The following PPP2R2C variants were observed in gnomAD, a reference collection of about 807,000 sequenced individuals.
The protein encoded by PPP2R2C is protein phosphatase 2, regulatory subunit B, gamma.
PPP2R2C carries 10 observed loss-of-function variants against 45.3 expected under a neutral mutation model. That is an observed-to-expected ratio of 0.22 (90% CI 0.14 to 0.37). The LOEUF (loss-of-function observed/expected upper bound fraction) is 0.37. Among genes scored for constraint, PPP2R2C ranks in the 10% least tolerant of loss-of-function variants. PPP2R2C has a pLI of 1.00. For missense variants in PPP2R2C, 308 were observed against 619.7 expected (o/e 0.50, Z 5.34); for synonymous variants, 257 against 245.4 (o/e 1.05, Z -0.44).
At chr4:6,421,968 C>T (rs973488429) in intron 1 of PPP2R2C, among the ~76,000 whole-genome samples, 1 of 152,134 alleles carries the variant, frequency 6.6e-6, no homozygotes, top group Admixed American at 6.5e-5. Flanking sequence ...AAAGAAATCC[C>T]ATAATGTTTC....
intron 1 of PPP2R2C, among the ~76,000 whole-genome samples, chr4:6,540,612 T>A (rs1724777091): frequency 6.6e-6 from 1 of 152,228 alleles, no homozygotes; most frequent in African/African-American, 2.4e-5. Flanking sequence ...TGCTGGGTCA[T>A]GAGATAAATC....
chr4:6,448,835 G>A (rs1260464012), intron 1 of PPP2R2C, among the ~76,000 whole-genome samples: 1 of 152,220 alleles, frequency 6.6e-6, no homozygotes, highest in Non-Finnish European at 1.5e-5. Flanking sequence ...GTGCTGCAAT[G>A]AGCCACCTGC....
intron 1 of PPP2R2C, among the ~76,000 whole-genome samples, chr4:6,406,201 T>G (rs945832538): frequency 6.6e-6 from 1 of 152,240 alleles, no homozygotes; most frequent in Non-Finnish European, 1.5e-5. Flanking sequence ...CTGATGTGCT[T>G]CTTCTTCAAA....
chr4:6,528,049 G>A (rs1032235845), intron 2 of PPP2R2C, among the ~76,000 whole-genome samples: 11 of 152,246 alleles, frequency 7.2e-5, no homozygotes, highest in African/African-American at 2.4e-4. Flanking sequence ...GACGGTGAGC[G>A]CAGAGCATCC....
At chr4:6,440,243 C>T (rs1052131185) in intron 1 of PPP2R2C, among the ~76,000 whole-genome samples, 37 of 152,324 alleles carry the variant, frequency 2.4e-4, no homozygotes, top group African/African-American at 6.0e-4. Flanking sequence ...TGGATGCGTG[C>T]GCAGATGGAC....
intron 1 of PPP2R2C, among the ~76,000 whole-genome samples, chr4:6,426,128 C>T (rs891373215): frequency 5.9e-5 from 9 of 152,192 alleles, no homozygotes; most frequent in Non-Finnish European, 1.0e-4. Flanking sequence ...TCCCAGCAGG[C>T]TCCGCCCTGG....
Position 6,368,655 on chromosome 4 carries a change from A to G in PPP2R2C, c.625+3868T>C, listed in dbSNP as rs1714538838. ...GAATGTCTTGTGGCCACCCCGATCC[A>G]AAACTGGTTATGATACAATCCAAAT... On this transcript the variant is annotated intron_variant, in intron 5 of 8. Coordinates refer to ENST00000382599, the MANE Select transcript of PPP2R2C (RefSeq NM_020416.4). This position sits in a 1 kb window ranked among gnomAD's most constrained non-coding sequence, Gnocchi z 4.2. Among the ~76,000 whole-genome samples, 1 of 152,092 alleles carries G rather than the reference A, an allele frequency of 6.6e-6. No individual in the cohort carries two copies. The highest frequency in any genetic ancestry group is 6.6e-5 in the Admixed American group (1 of 15,266).
intron 2 of PPP2R2C, among the ~76,000 whole-genome samples, chr4:6,510,721 T>G (rs561306656): frequency 2.6e-4 from 40 of 152,264 alleles, no homozygotes; most frequent in African/African-American, 8.2e-4. Flanking sequence ...CTCACGCCTG[T>G]AATCCCAGCA....
chr4:6,466,711 C>T (rs550664127), intron 1 of PPP2R2C, among the ~76,000 whole-genome samples: 1 of 152,124 alleles, frequency 6.6e-6, no homozygotes, highest in Non-Finnish European at 1.5e-5. Context: ...ACCAAACATC[C>T]CTTAGCTCTG....
chr4:6,448,334 T>C lies in PPP2R2C; in HGVS notation c.70+23826A>G, dbSNP rs116530841. On this transcript the variant is annotated intron_variant, in intron 1 of 8. Coordinates refer to ENST00000382599, the MANE Select transcript of PPP2R2C (RefSeq NM_020416.4). ...CAGCACTTTGAGAGGCCAAGGCAGG[T>C]GGATCCCTTGGAGGTCACACGGAGA... Among the ~76,000 whole-genome samples, 291 of 152,168 alleles carry C rather than the reference T, an allele frequency of 1.9e-3. 2 individuals carry two copies. Among genetic ancestry groups the C allele is most frequent in the African/African-American group, 6.7e-3 (280 of 41,510 alleles).
intron 2 of PPP2R2C, among the ~76,000 whole-genome samples, chr4:6,533,051 C>A (rs185975160): frequency 6.6e-6 from 1 of 152,156 alleles, no homozygotes; most frequent in African/African-American, 2.4e-5. Context: ...GGATGAGAGA[C>A]GGCTCTGGTC....
At chr4:6,405,359 G>A (rs563909028) in intron 1 of PPP2R2C, among the ~76,000 whole-genome samples, 2 of 152,292 alleles carry the variant, frequency 1.3e-5, no homozygotes, top group African/African-American at 2.4e-5. Context: ...GCCCTAAACC[G>A]GCTCTCAGCA....
rs1444984786 is a variant in PPP2R2C, at chr4:6,323,496, G to A, written c.1150C>T (p.Pro384Ser). Residue 384 changes from proline to serine, a missense_variant, in exon 9 of 9, where the codon CCC (proline) becomes TCC (serine). Coordinates refer to ENST00000382599, the MANE Select transcript of PPP2R2C (RefSeq NM_020416.4). The part of the protein sequence containing the change: ...TLEASRESSK[P>S]RAVLKPRRVC... ...CGCCGTGGCTTGAGCACAGCCCGGG[G>A]CTTGCTGCTTTCCCTCGAGGCCTCC... 2 of 1,608,650 alleles carry A rather than the reference G, an allele frequency of 1.2e-6. No individual in the cohort carries two copies. The highest frequency in any genetic ancestry group is 1.7e-6 in the Non-Finnish European group (2 of 1,175,484).
intron 1 of PPP2R2C, among the ~76,000 whole-genome samples, chr4:6,410,938 T>A (rs1718149171): frequency 6.6e-6 from 1 of 152,082 alleles, no homozygotes; most frequent in South Asian, 2.1e-4. Context: ...GTGCGATCTC[T>A]GCTCACTGCA....
chr4:6,427,971 T>C (rs577128128), intron 1 of PPP2R2C, among the ~76,000 whole-genome samples: 10 of 152,258 alleles, frequency 6.6e-5, no homozygotes, highest in African/African-American at 2.2e-4. Flanking sequence ...TATTCCTGTT[T>C]TGTCAATGAG....
chr4:6,409,272 A>G (rs980656886), intron 1 of PPP2R2C, among the ~76,000 whole-genome samples: 2 of 152,318 alleles, frequency 1.3e-5, no homozygotes, highest in Admixed American at 6.5e-5. Context: ...TTAAAAATAT[A>G]CCATAAAGCA....
intron 5 of PPP2R2C, among the ~76,000 whole-genome samples, chr4:6,362,956 G>A (rs1486156931): frequency 6.6e-6 from 1 of 152,194 alleles, no homozygotes; most frequent in Non-Finnish European, 1.5e-5. Flanking sequence ...GTAAAAGGGG[G>A]ATATTAATAA....
chr4:6,434,360 T>TTTTC (rs1553898702), intron 1 of PPP2R2C, among the ~76,000 whole-genome samples: 5 of 838 alleles, frequency 6.0e-3, no homozygotes, highest in African/African-American at 8.0e-3. Context: ...TTTTCTTTTC[T>TTTTC]TTTTTTTTTT....
At chr4:6,349,105 G>A (rs1428441319) in intron 5 of PPP2R2C, 5 of 985,192 alleles carry the variant, frequency 5.1e-6, no homozygotes, top group African/African-American at 1.7e-5. Flanking sequence ...TGGCACCCCC[G>A]AGCTTCTCTC....
Sources: allele counts gnomAD v4.1 joint callset (sites outside exome capture counted in the v4.1 genomes callset), GRCh38; gene constraint gnomAD v4.1.1; non-coding constraint Gnocchi (gnomAD v3.1); transcripts MANE v1.5; gene names NCBI Gene and HGNC (gene_info 2026-07-23, HGNC 2026-07-21).